Variants in MALRD1 observed in about 807,000 individuals in gnomAD.
The protein encoded by MALRD1 is MAM and LDL receptor class A domain containing 1, also known as MAM and LDL-receptor class A domain-containing protein 1.
A neutral mutation model predicts 242.1 loss-of-function variants in MALRD1; 247 were observed. That is an observed-to-expected ratio of 1.02 (90% CI 0.92 to 1.13). The LOEUF (loss-of-function observed/expected upper bound fraction) is 1.13. Among genes scored for constraint, MALRD1 ranks in the 50% most tolerant of loss-of-function variants. The pLI is 0.00. For missense variants in MALRD1, 2,989 were observed against 2,533.1 expected, an observed-to-expected ratio of 1.18 and a Z score of -3.86; for synonymous variants, 995 against 866.6, an observed-to-expected ratio of 1.15 and a Z score of -2.60.
chr10:19,126,173 A>G (rs1837276966), intron 7 of MALRD1, among the ~76,000 whole-genome samples: 1 of 152,050 alleles, frequency 6.6e-6, no homozygotes, highest in Admixed American at 6.6e-5. Flanking sequence ...GATTTTAAAA[A>G]TGTTTCTTTA....
chr10:19,716,680 G>A (rs570197196), intron 38 of MALRD1: 7 of 152,086 alleles, frequency 4.6e-5, no homozygotes, highest in Non-Finnish European at 5.9e-5. Context: ...AAAGCTTTAC[G>A]TGAGGTAGTT....
chr10:19,586,565 AG>A (rs1325294230), intron 33 of MALRD1, among the ~76,000 whole-genome samples: 4 of 152,172 alleles, frequency 2.6e-5, no homozygotes, highest in Non-Finnish European at 5.9e-5. Context: ...GACCCACTTG[AG>A]GAAGCAGTCT....
At chr10:19,343,878 A>T (rs1040228177) in intron 24 of MALRD1, among the ~76,000 whole-genome samples, 1 of 152,114 alleles carries the variant, frequency 6.6e-6, no homozygotes, top group African/African-American at 2.4e-5. Context: ...CTGAGGAGTA[A>T]TATCTCACCA....
At chr10:19,353,336 T>G (rs769811825) in intron 26 of MALRD1, among the ~76,000 whole-genome samples, 2 of 152,140 alleles carry the variant, frequency 1.3e-5, no homozygotes, top group Non-Finnish European at 2.9e-5. Context: ...ATGAGTTTAG[T>G]GTAGAAAACA....
At chr10:19,611,116 A>G (rs1016284614) in intron 35 of MALRD1, among the ~76,000 whole-genome samples, 1 of 152,014 alleles carries the variant, frequency 6.6e-6, no homozygotes, top group African/African-American at 2.4e-5. Context: ...TCACTAGTAT[A>G]AAAATTCTAA....
chr10:19,703,957 G>A (rs755908272), intron 38 of MALRD1, among the ~76,000 whole-genome samples: 19 of 152,080 alleles, frequency 1.2e-4, no homozygotes, highest in African/African-American at 2.7e-4. Context: ...ACAGTAAGCC[G>A]TTTATTCTTA....
chr10:19,476,192 C>A (rs182819531), intron 29 of MALRD1, among the ~76,000 whole-genome samples: 1 of 152,158 alleles, frequency 6.6e-6, no homozygotes, highest in African/African-American at 2.4e-5. Context: ...TAGGTGTTTA[C>A]GGAAATGTGC....
chr10:19,617,399 A>G (rs546122357), intron 36 of MALRD1, among the ~76,000 whole-genome samples: 8 of 152,076 alleles, frequency 5.3e-5, no homozygotes, highest in Non-Finnish European at 1.0e-4. Flanking sequence ...ATAGCAAATA[A>G]TACTTTACAA....
chr10:19,484,765 G>T (rs1440114972), intron 29 of MALRD1, among the ~76,000 whole-genome samples: 1 of 152,122 alleles, frequency 6.6e-6, no homozygotes, highest in African/African-American at 2.4e-5. Flanking sequence ...ACAATGTGGA[G>T]ATTTCTTAAA....
intron 38 of MALRD1, among the ~76,000 whole-genome samples, chr10:19,712,872 A>G (rs1202361425): frequency 6.6e-6 from 1 of 152,222 alleles, no homozygotes; most frequent in East Asian, 1.9e-4. Context: ...GAAGTCAACC[A>G]TGTAAGTCAA....
At chr10:19,162,594 C>T (rs1033273821) in intron 12 of MALRD1, among the ~76,000 whole-genome samples, 1 of 151,986 alleles carries the variant, frequency 6.6e-6, no homozygotes, top group Non-Finnish European at 1.5e-5. Context: ...TAGAGAAATT[C>T]AAATCAAAAC....
chr10:19,149,581 A>C (rs1833864878), intron 11 of MALRD1, among the ~76,000 whole-genome samples: 1 of 152,148 alleles, frequency 6.6e-6, no homozygotes, highest in Non-Finnish European at 1.5e-5. Flanking sequence ...TTTGTTTTTT[A>C]AGAAATATAT....
intron 21 of MALRD1, 74 bp downstream of exon 21, chr10:19,283,255 C>A: frequency 8.0e-7 from 1 of 1,244,942 alleles, no homozygotes. Context: ...CTGCCCCCAC[C>A]ACCTTATCCT....
chr10:19,503,642 C>G (rs1373365807), intron 31 of MALRD1, among the ~76,000 whole-genome samples: 1 of 152,160 alleles, frequency 6.6e-6, no homozygotes, highest in African/African-American at 2.4e-5. Flanking sequence ...TCCTTCATAA[C>G]TTTATGTTCT....
At chr10:19,275,512 CA>C (rs548504996) in intron 19 of MALRD1, among the ~76,000 whole-genome samples, 6 of 151,972 alleles carry the variant, frequency 3.9e-5, no homozygotes, top group African/African-American at 9.6e-5. Context: ...ACTAAAAATA[CA>C]AAAAAATTAG....
intron 19 of MALRD1, among the ~76,000 whole-genome samples, chr10:19,277,381 T>G (rs191286509): frequency 6.6e-6 from 1 of 152,216 alleles, no homozygotes; most frequent in Non-Finnish European, 1.5e-5. Flanking sequence ...TAATCTCTCA[T>G]GTAGACTGAG....
upstream of MALRD1, chr10:19,048,680 A>G (rs553260224): frequency 1.5e-3 from 433 of 287,246 alleles, no homozygotes; most frequent in Non-Finnish European, 2.3e-3. Flanking sequence ...AATATGGCAT[A>G]CAGGGGGCAA....
At chr10:19,593,016 A>G (rs1837898461) in intron 33 of MALRD1, among the ~76,000 whole-genome samples, 1 of 152,140 alleles carries the variant, frequency 6.6e-6, no homozygotes, top group South Asian at 2.1e-4. Context: ...AAAAAAAAAA[A>G]AAAAGAATTT....
chr10:19,440,866 G>A (rs1834603804), intron 28 of MALRD1, among the ~76,000 whole-genome samples: 1 of 152,140 alleles, frequency 6.6e-6, no homozygotes, highest in Admixed American at 6.5e-5. Flanking sequence ...CCCAGTAATA[G>A]GATGGCTGGG....
Sources: gnomAD v4.1 joint callset for allele counts (sites outside exome capture counted in the v4.1 genomes callset) on GRCh38, gnomAD v4.1.1 for gene constraint, MANE v1.5 for transcripts, NCBI Gene and HGNC (gene_info 2026-07-23, HGNC 2026-07-21) for gene names.